The following HCN1 variants were observed in gnomAD, a reference collection of about 807,000 sequenced individuals.
HCN1 encodes potassium/sodium hyperpolarization-activated cyclic nucleotide-gated channel 1.
Under a neutral mutation model 78.9 loss-of-function variants are expected in HCN1, and 13 were observed. That is an observed-to-expected ratio of 0.16 (90% CI 0.11 to 0.26). HCN1 has a LOEUF of 0.26. Among genes scored for constraint, HCN1 ranks in the 10% least tolerant of loss-of-function variants. The pLI is 1.00. For synonymous variants in HCN1, 552 were observed against 455.5 expected (o/e 1.21, Z -2.70); for missense variants, 810 against 1,154.3 (o/e 0.70, Z 4.32).
chr5:45,294,239 G>A (rs963765613), intron 6 of HCN1, among the ~76,000 whole-genome samples: 40 of 151,956 alleles, frequency 2.6e-4, no homozygotes, highest in African/African-American at 7.7e-4. Flanking sequence ...TGGTTTTTTC[G>A]AATCGGTGTC....
chr5:45,515,293 A>G (rs893183248), intron 2 of HCN1, among the ~76,000 whole-genome samples: 1 of 152,040 alleles, frequency 6.6e-6, no homozygotes, highest in African/African-American at 2.4e-5. Context: ...AAGGTATACT[A>G]TAATACTTAA....
intron 5 of HCN1, among the ~76,000 whole-genome samples, chr5:45,330,247 C>A (rs1028803721): frequency 2.6e-5 from 4 of 151,182 alleles, no homozygotes; most frequent in African/African-American, 9.7e-5. Context: ...ATTTGGCATA[C>A]ATAAATATTT....
chr5:45,570,176 TTC>T (rs1743796212), intron 2 of HCN1, among the ~76,000 whole-genome samples: 1 of 152,234 alleles, frequency 6.6e-6, no homozygotes, highest in African/African-American at 2.4e-5. Flanking sequence ...TAATCTGATA[TTC>T]TCTTTCTTCC....
rs900975538 is a variant in HCN1, at chr5:45,282,820, T to A, written c.1619-15567A>T. Among the ~76,000 whole-genome samples the A allele has an allele frequency of 9.2e-5, 14 of 152,322 alleles. No homozygotes were observed. The East Asian group carries it at 2.5e-3, about 27-fold the overall frequency. ...TTTTCTTCAGTGTGTAGTGTGTATT[T>A]CTCTTTACAGAAACCCTATTCTTAA... On this transcript the variant is annotated intron_variant, in intron 6 of 7. Transcript: ENST00000303230.
chr5:45,683,265 A>T (rs1739739194), intron 1 of HCN1, among the ~76,000 whole-genome samples: 3 of 151,980 alleles, frequency 2.0e-5, no homozygotes, highest in Admixed American at 2.0e-4. Context: ...TATATAGCTT[A>T]TGTTTTTAGT....
At chr5:45,502,491 T>A (rs1362836239) in intron 2 of HCN1, among the ~76,000 whole-genome samples, 1 of 152,164 alleles carries the variant, frequency 6.6e-6, no homozygotes, top group Non-Finnish European at 1.5e-5. Flanking sequence ...GATTAAACTA[T>A]CTTGGCTAAA....
At chr5:45,362,143 GGT>G (rs1561123973) in intron 4 of HCN1, among the ~76,000 whole-genome samples, 3 of 148,628 alleles carry the variant, frequency 2.0e-5, no homozygotes, top group Admixed American at 1.4e-4. Context: ...AGTTTTGCTT[GGT>G]GTGTGTGTTT....
chr5:45,316,676 G>C (rs1165287444), intron 5 of HCN1, among the ~76,000 whole-genome samples: 1 of 152,148 alleles, frequency 6.6e-6, no homozygotes, highest in East Asian at 1.9e-4. Context: ...CATCGTCTCA[G>C]CCCAAAATCT....
At chr5:45,643,141 C>T (rs1046351455) in intron 2 of HCN1, 2 of 152,116 alleles carry the variant, frequency 1.3e-5, no homozygotes, top group Middle Eastern at 3.4e-3. Flanking sequence ...ATCTTTAAAA[C>T]ACATCATGTT....
chr5:45,267,342 C>T, intron 6 of HCN1, 89 bp from the exon 7 acceptor site: 1 of 1,222,890 alleles, frequency 8.2e-7, no homozygotes, highest in Non-Finnish European at 1.2e-6. Flanking sequence ...AAACAAGTCT[C>T]ATGGTGTGAA....
chr5:45,658,003 A>G (rs1199808004), intron 1 of HCN1, among the ~76,000 whole-genome samples: 4 of 152,242 alleles, frequency 2.6e-5, no homozygotes, highest in Non-Finnish European at 5.9e-5. Context: ...CTACAAGGCT[A>G]CAAGTAACCA....
At chr5:45,587,445 A>G (rs1744255210) in intron 2 of HCN1, among the ~76,000 whole-genome samples, 1 of 152,056 alleles carries the variant, frequency 6.6e-6, no homozygotes, top group South Asian at 2.1e-4. Flanking sequence ...AAACTATCGC[A>G]AGGACAAAAA....
intron 6 of HCN1, among the ~76,000 whole-genome samples, chr5:45,274,741 C>G (rs1400476213): frequency 6.6e-6 from 1 of 152,178 alleles, no homozygotes; most frequent in Non-Finnish European, 1.5e-5. Flanking sequence ...ACTAATCATA[C>G]AAATTCCTTA....
At chr5:45,366,224 TG>T (rs1437306081) in intron 4 of HCN1, among the ~76,000 whole-genome samples, 4 of 151,358 alleles carry the variant, frequency 2.6e-5, no homozygotes, top group African/African-American at 9.7e-5. Context: ...GTATGTTATG[TG>T]TGTGTGTGGT....
intron 1 of HCN1, among the ~76,000 whole-genome samples, chr5:45,664,995 C>T (rs1746006740): frequency 1.3e-5 from 2 of 151,500 alleles, no homozygotes; most frequent in African/African-American, 4.9e-5. Context: ...AAGACACATG[C>T]ACACGTATGC....
chr5:45,260,899 T>C lies in HCN1; in HGVS notation c.*1022A>G, dbSNP rs1005282055. The C allele has an allele frequency of 1.3e-5, 2 of 152,474 alleles. No individual in the cohort carries two copies. The highest frequency in any genetic ancestry group is 2.9e-5 in the Non-Finnish European group (2 of 68,010). The allele number at this position is 152,474 out of a possible 1,614,324, so 9.4% of individuals were successfully genotyped here. On this transcript the variant is annotated 3_prime_UTR_variant, in exon 8 of 8. Coordinates refer to ENST00000303230, the MANE Select transcript of HCN1 (RefSeq NM_021072.4). ...TGACTGATTTGAACCTATTTTTTTT[T>C]CCCCAGAAGCATGCAGGGACTATTT...
chr5:45,317,750 C>G (rs560550697), intron 5 of HCN1, among the ~76,000 whole-genome samples: 1 of 152,004 alleles, frequency 6.6e-6, no homozygotes, highest in South Asian at 2.1e-4. Context: ...AAAAAGTGGG[C>G]GAAGGATATG....
At chr5:45,407,652 T>A (rs933996892) in intron 3 of HCN1, among the ~76,000 whole-genome samples, 1 of 152,092 alleles carries the variant, frequency 6.6e-6, no homozygotes, top group African/African-American at 2.4e-5. Context: ...CCCAAGTAGC[T>A]GGGATTACAG....
At chr5:45,326,990 A>C (rs1746247563) in intron 5 of HCN1, among the ~76,000 whole-genome samples, 1 of 151,690 alleles carries the variant, frequency 6.6e-6, no homozygotes, top group Non-Finnish European at 1.5e-5. Context: ...GCAGACAAAA[A>C]TTAAAATTAA....
Sources: allele counts gnomAD v4.1 joint callset (sites outside exome capture counted in the v4.1 genomes callset), GRCh38; gene constraint gnomAD v4.1.1; transcripts MANE v1.5; gene names NCBI Gene and HGNC (gene_info 2026-07-23, HGNC 2026-07-21).